CACNA2D3: variants seen among roughly 807,000 people sequenced by gnomAD.
CACNA2D3 encodes the protein calcium voltage-gated channel auxiliary subunit alpha2delta 3.
CACNA2D3 carries 60 observed loss-of-function variants against 160.6 expected under a neutral mutation model. That is an observed-to-expected ratio of 0.37 (90% CI 0.30 to 0.46). The LOEUF (loss-of-function observed/expected upper bound fraction) is 0.46, where lower values mean the gene tolerates loss of function less well. Ranked by LOEUF, CACNA2D3 falls within the 20% of genes least tolerant of loss-of-function variation. The probability of loss-of-function intolerance (pLI) is 1.00; values close to 1 mark genes in which losing one functional copy is unlikely to be tolerated. For missense variants in CACNA2D3, 1,205 were observed against 1,365.0 expected (o/e 0.88, Z 1.85); for synonymous variants, 558 against 492.9 (o/e 1.13, Z -1.75).
chr3:54,828,825 A>G (rs1703801910), intron 14 of CACNA2D3, among the ~76,000 whole-genome samples: 1 of 152,256 alleles, frequency 6.6e-6, no homozygotes, highest in Non-Finnish European at 1.5e-5. Context: ...CTCAAATGCA[A>G]GTAATAATGA....
intron 2 of CACNA2D3, among the ~76,000 whole-genome samples, chr3:54,126,550 T>C (rs183091888): frequency 1.5e-4 from 23 of 152,354 alleles, no homozygotes; most frequent in Non-Finnish European, 3.1e-4. Flanking sequence ...CTGTCTTTAC[T>C]GAGCACAGGA....
At chr3:54,416,284 C>T (rs558020248) in intron 4 of CACNA2D3, among the ~76,000 whole-genome samples, 8 of 152,352 alleles carry the variant, frequency 5.3e-5, no homozygotes, top group African/African-American at 1.7e-4. Flanking sequence ...AGTGGATTGG[C>T]AGCTACCTCC....
intron 16 of CACNA2D3, 108 bp from the exon 17 acceptor site, chr3:54,846,285 T>C (rs1198807425): frequency 3.1e-6 from 2 of 651,972 alleles, no homozygotes; most frequent in African/African-American, 3.6e-5. Context: ...ATAAGGGTTA[T>C]GAATGACAAG....
rs571400090 is a variant in CACNA2D3 at position 54,716,368 on chromosome 3, A to G, written c.1168-36231A>G. Among the ~76,000 whole-genome samples, 13 of 152,270 alleles carry G rather than the reference A, an allele frequency of 8.5e-5. No individual in the cohort carries two copies. The South Asian group carries it at 1.5e-3, about 17-fold the overall frequency. On this transcript the variant is annotated intron_variant, in intron 11 of 37. Transcript: ENST00000474759. The stretch of plus-strand genomic sequence containing the variant: ...TCTGAAGAGGGTTTTGAGGGCTTCG[A>G]TATGTAAAGGGGAAAAGTGGGCAAG...
Position 54,306,345 on chromosome 3 carries a change from A to G in CACNA2D3, c.205-14097A>G, listed in dbSNP as rs146702625. On this transcript the variant is annotated intron_variant, in intron 2 of 37. Transcript: ENST00000474759. ...TGTGTATATGAGAGAGAGAGAGAGA[A>G]GTATTAGTTACATTTCTTAGTATTC... Among the ~76,000 whole-genome samples the G allele has an allele frequency of 2.4e-3, 321 of 133,738 alleles. 4 individuals carry two copies. Among genetic ancestry groups the G allele is most frequent in the African/African-American group, 7.4e-3 (297 of 40,218 alleles). 87.7% of individuals were successfully genotyped at this position (133,738 alleles called of 152,430 possible). A position where few individuals can be genotyped will look rare whatever the true frequency, so the allele number is the denominator to read the frequency against.
intron 2 of CACNA2D3, among the ~76,000 whole-genome samples, chr3:54,132,193 A>G (rs1237588217): frequency 6.6e-6 from 1 of 152,182 alleles, no homozygotes; most frequent in Non-Finnish European, 1.5e-5. Flanking sequence ...TGACTTCTGG[A>G]ATGCTAATGC....
chr3:54,249,844 A>G (rs965625189), intron 2 of CACNA2D3, among the ~76,000 whole-genome samples: 1 of 151,440 alleles, frequency 6.6e-6, no homozygotes, highest in African/African-American at 2.4e-5. Flanking sequence ...ATGACCCTAG[A>G]TAACTATAGA....
rs1702840250 is a variant in CACNA2D3, at chr3:54,995,673, C to T, written c.2690+7920C>T. On this transcript the variant is annotated intron_variant, in intron 31 of 37. Transcript: ENST00000474759. ...TTAATGTATTAAGCAGCCTCCCATACAATACTTGTGCTTAATCACTTGGCC... is the reference window on the plus strand; with the variant it reads ...TTAATGTATTAAGCAGCCTCCCATATAATACTTGTGCTTAATCACTTGGCC... 2.0e-5 allele frequency among the ~76,000 whole-genome samples: 3 copies of T among 152,208 alleles called. 1 individual carries two copies. The South Asian group carries it at 6.2e-4, about 31-fold the overall frequency.
chr3:54,282,851 GTTT>G (rs879414759), intron 2 of CACNA2D3, among the ~76,000 whole-genome samples: 2 of 139,742 alleles, frequency 1.4e-5, no homozygotes, highest in South Asian at 2.4e-4. Context: ...TTTTCGCTTT[GTTT>G]TTTTTTTTGT....
intron 27 of CACNA2D3, among the ~76,000 whole-genome samples, chr3:54,943,277 C>T (rs1001220842): frequency 2.6e-5 from 4 of 151,992 alleles, no homozygotes; most frequent in African/African-American, 9.7e-5. Context: ...CCATCATTCC[C>T]AACCCCTATT....
rs544029636 is a variant in CACNA2D3 at position 55,051,994 on chromosome 3, G to A, written c.2988-21451G>A. Reference sequence around the variant, plus strand: ...CACGGTGCACACACCCATGACCTGCGCCCACTGTCTGGCACTCCCTAGTGA... The same window carrying A: ...CACGGTGCACACACCCATGACCTGCACCCACTGTCTGGCACTCCCTAGTGA... On this transcript the variant is annotated intron_variant, in intron 35 of 37. Coordinates refer to ENST00000474759, the MANE Select transcript of CACNA2D3 (RefSeq NM_018398.3). Among the ~76,000 whole-genome samples, 442 of 152,148 alleles carry A rather than the reference G, an allele frequency of 2.9e-3. 2 individuals carry two copies. The highest frequency in any genetic ancestry group is 4.5e-3 in the Admixed American group (68 of 15,274).
At chr3:54,557,134 C>G (rs566285571) in intron 5 of CACNA2D3, among the ~76,000 whole-genome samples, 2 of 152,260 alleles carry the variant, frequency 1.3e-5, no homozygotes, top group South Asian at 2.1e-4. Context: ...AATCAATACA[C>G]TGTGATTATG....
At chr3:54,832,663 A>G (rs1353572586) in intron 14 of CACNA2D3, among the ~76,000 whole-genome samples, 2 of 152,200 alleles carry the variant, frequency 1.3e-5, no homozygotes, top group Admixed American at 6.5e-5. Context: ...CTGGACTTGG[A>G]AAAGAGAGCC....
At chr3:55,045,343 T>A (rs1704052467) in intron 35 of CACNA2D3, among the ~76,000 whole-genome samples, 2 of 152,128 alleles carry the variant, frequency 1.3e-5, no homozygotes, top group African/African-American at 2.4e-5. Flanking sequence ...AGCCACCGCG[T>A]CAAGCCTATA....
At chr3:54,911,351 CTTTTTTT>C (rs58289082) in intron 27 of CACNA2D3, among the ~76,000 whole-genome samples, 6 of 58,586 alleles carry the variant, frequency 1.0e-4, no homozygotes, top group Admixed American at 9.2e-4. Context: ...TCTTTGTCGT[CTTTTTTT>C]TTTTTTTTTT....
At position 54,564,898 on chromosome 3, in the gene CACNA2D3, C is replaced by T. The variant is rs554782507; in HGVS notation, c.676+1967C>T. ...AAATCTAGGGAGTGTGCCATTTGGG[C>T]GACAGCAATGAGAGACTGGAGCAAA... On this transcript the variant is annotated intron_variant, in intron 6 of 37. Coordinates refer to ENST00000474759, the MANE Select transcript of CACNA2D3 (RefSeq NM_018398.3). Among the ~76,000 whole-genome samples the T allele has an allele frequency of 2.4e-3, 368 of 152,246 alleles. 1 individual carries two copies. The highest frequency in any genetic ancestry group is 8.6e-3 in the African/African-American group (358 of 41,554).
At chr3:55,031,513 C>G (rs1703688345) in intron 35 of CACNA2D3, among the ~76,000 whole-genome samples, 1 of 152,138 alleles carries the variant, frequency 6.6e-6, no homozygotes. Flanking sequence ...ACCACTTTTT[C>G]AAAGGACATC....
In CACNA2D3 at chr3:54,164,595, A is replaced by G. The variant is rs148980893; in HGVS notation, c.204+41001A>G. On this transcript the variant is annotated intron_variant, in intron 2 of 37. Transcript: ENST00000474759. ...TTTTCCTCTGATCCCTTTTTAGGCC[A>G]TTATCAAGTTCAGGGTGGGAGGGTA... 1.1e-3 allele frequency among the ~76,000 whole-genome samples: 172 copies of G among 152,248 alleles called. 1 individual carries two copies. In the East Asian group the frequency reaches 0.012, roughly 10 times the overall value.
intron 24 of CACNA2D3, 95 bp downstream of exon 24, chr3:54,888,147 C>A (rs1699970263): frequency 1.0e-6 from 1 of 996,960 alleles, no homozygotes; most frequent in Non-Finnish European, 1.6e-6. Context: ...TTTTAGGAAC[C>A]TGGTGTTAAA....
Sources: allele counts gnomAD v4.1 joint callset (sites outside exome capture counted in the v4.1 genomes callset), GRCh38; gene constraint gnomAD v4.1.1; transcripts MANE v1.5; gene names NCBI Gene and HGNC (gene_info 2026-07-23, HGNC 2026-07-21).